TNFSF11: variants seen among roughly 807,000 people sequenced by gnomAD.
TNFSF11 encodes TNF superfamily member 11, also known as tumor necrosis factor ligand superfamily member 11.
Under a neutral mutation model 32.2 loss-of-function variants are expected in TNFSF11, and 12 were observed. The observed-to-expected ratio is 0.37, with a 90% CI of 0.24 to 0.60. The LOEUF (loss-of-function observed/expected upper bound fraction) is 0.60, where lower values mean the gene tolerates loss of function less well. TNFSF11 is among the 20% of genes least tolerant of loss of function. The probability of loss-of-function intolerance (pLI) is 0.66; values close to 1 mark genes in which losing one functional copy is unlikely to be tolerated. For synonymous variants in TNFSF11, 172 were observed against 152.1 expected (o/e 1.13, Z -0.96); for missense variants, 345 against 398.0 (o/e 0.87, Z 1.13).
chr13:42,604,614 C>T (rs923114836), intron 4 of TNFSF11, among the ~76,000 whole-genome samples: 2 of 152,142 alleles, frequency 1.3e-5, no homozygotes, highest in Non-Finnish European at 2.9e-5. Flanking sequence ...TTCCTACAGC[C>T]TAGTTTTGAG....
chr13:42,587,858 T>C (rs1873973144), intron 2 of TNFSF11, among the ~76,000 whole-genome samples: 1 of 152,218 alleles, frequency 6.6e-6, no homozygotes, highest in South Asian at 2.1e-4. Context: ...ATCAATGAAA[T>C]TTAAATAGAT....
chr13:42,581,198 G>C lies in TNFSF11; in HGVS notation c.292G>C (p.Asp98His), dbSNP rs761066893. The change falls in exon 2 of 5, where the codon GAT becomes CAT. Residue 98 changes from aspartate to histidine, a missense_variant. Around this residue, in one of 2 missense-constraint regions of TNFSF11, gnomAD observed 197 missense variants for 182.0 expected, o/e 1.08. Transcript: ENST00000398795. ...YRILRLHENA[D>H]FQDTTLESQD... The stretch of plus-strand genomic sequence containing the variant: ...AATTTTGAGACTCCATGAAAATGCA[G>C]ATTTTCAAGACACAACTCTGGAGAG... The C allele has an allele frequency of 3.0e-5, 49 of 1,613,902 alleles. No individual in the cohort carries two copies. The highest frequency in any genetic ancestry group is 6.7e-5 in the East Asian group (3 of 44,878).
At chr13:42,589,607 T>C (rs986910727) in intron 2 of TNFSF11, among the ~76,000 whole-genome samples, 1 of 152,192 alleles carries the variant, frequency 6.6e-6, no homozygotes, top group Non-Finnish European at 1.5e-5. Context: ...GCTTGTTACC[T>C]TGAATGCTCC....
intron 2 of TNFSF11, among the ~76,000 whole-genome samples, chr13:42,598,191 C>A (rs1868925821): frequency 6.6e-6 from 1 of 152,114 alleles, no homozygotes; most frequent in Non-Finnish European, 1.5e-5. Context: ...AATCACAAAA[C>A]AGGCATTTGT....
intron 4 of TNFSF11, among the ~76,000 whole-genome samples, chr13:42,603,226 G>A (rs1326451639): frequency 6.6e-6 from 1 of 152,172 alleles, no homozygotes; most frequent in African/African-American, 2.4e-5. Context: ...AAATATCTTA[G>A]ATGAAATGCG....
chr13:42,602,609 C>A (rs139849726), intron 4 of TNFSF11, among the ~76,000 whole-genome samples: 3 of 152,300 alleles, frequency 2.0e-5, no homozygotes, highest in Middle Eastern at 3.4e-3. Flanking sequence ...TGTGTCTATG[C>A]ATGTCTTGTG....
At chr13:42,581,425 C>A (rs1566377204) in intron 2 of TNFSF11, 132 bp downstream of exon 2, 8 of 1,014,472 alleles carry the variant, frequency 7.9e-6, no homozygotes, top group Non-Finnish European at 1.2e-5. Context: ...ACAGGGAATG[C>A]TTTAAAGAGA....
Position 42,574,180 on chromosome 13 carries a change from A to C in TNFSF11, c.-124A>C. ...CGCTCGCCCGCGCGCCCCAGGACCCAAAGCCGGGCTCCAAGTCGGCGCCCC... is the reference window on the plus strand; with the variant it reads ...CGCTCGCCCGCGCGCCCCAGGACCCCAAGCCGGGCTCCAAGTCGGCGCCCC... On this transcript the variant is annotated 5_prime_UTR_variant, in exon 1 of 5. Transcript: ENST00000398795. 1.5e-6 allele frequency: 2 copies of C among 1,370,464 alleles called. No homozygotes were observed. Among genetic ancestry groups the C allele is most frequent in the Non-Finnish European group, 2.0e-6 (2 of 994,042 alleles). 84.9% of individuals were successfully genotyped at this position (1,370,464 alleles called of 1,614,324 possible). A position where few individuals can be genotyped will look rare whatever the true frequency, so the allele number is the denominator to read the frequency against.
chr13:42,594,179 A>G (rs1255907787), intron 2 of TNFSF11, among the ~76,000 whole-genome samples: 2 of 152,076 alleles, frequency 1.3e-5, no homozygotes, highest in African/African-American at 4.8e-5. Context: ...TCCCGGGCTC[A>G]AGCGATCTCG....
intron 2 of TNFSF11, among the ~76,000 whole-genome samples, chr13:42,592,612 TA>T (rs1415305811): frequency 1.3e-5 from 2 of 152,218 alleles, no homozygotes; most frequent in Non-Finnish European, 2.9e-5. Flanking sequence ...CATAGTTTAT[TA>T]AATCATTGGC....
At chr13:42,564,516 G>A (rs558041697) in intron 1 of TNFSF11, among the ~76,000 whole-genome samples, 5 of 151,514 alleles carry the variant, frequency 3.3e-5, no homozygotes, top group East Asian at 3.9e-4. Flanking sequence ...GCGGTGAGCC[G>A]AGATCGCACC....
intron 2 of TNFSF11, among the ~76,000 whole-genome samples, chr13:42,583,699 T>A (rs949666390): frequency 1.3e-5 from 2 of 152,094 alleles, no homozygotes; most frequent in African/African-American, 4.8e-5. Flanking sequence ...ATTTTACATT[T>A]AGTTTTAACT....
chr13:42,595,058 T>C (rs931184516), intron 2 of TNFSF11, among the ~76,000 whole-genome samples: 10 of 152,192 alleles, frequency 6.6e-5, no homozygotes, highest in Non-Finnish European at 2.9e-5. Context: ...GAGAAGATTT[T>C]AAAAAAATAT....
Position 42,600,744 on chromosome 13 carries a change from T to A in TNFSF11, c.388-8T>A. The A allele has an allele frequency of 6.2e-7, 1 of 1,612,196 alleles. No individual in the cohort carries two copies. The highest frequency in any genetic ancestry group is 1.3e-5 in the African/African-American group (1 of 74,992). On this transcript the variant is annotated splice_region_variant and splice_polypyrimidine_tract_variant and intron_variant, in intron 2 of 4. Coordinates refer to ENST00000398795, the MANE Select transcript of TNFSF11 (RefSeq NM_003701.4). ...TATAAATAAAATTATTTTTCCTTTT[T>A]ATTTCAGGAATTACAACATATCGTT...
rs1594460551 is a variant in TNFSF11 at position 42,577,594 on chromosome 13, G to A, written c.219+3072G>A. 2.6e-5 allele frequency among the ~76,000 whole-genome samples: 4 copies of A among 152,228 alleles called. 1 individual carries two copies. The highest frequency in any genetic ancestry group is 4.2e-4 in the South Asian group (2 of 4,818). On this transcript the variant is annotated intron_variant, in intron 1 of 4. Coordinates refer to ENST00000398795, the MANE Select transcript of TNFSF11 (RefSeq NM_003701.4). Reference sequence around the variant, plus strand: ...TCCATATAACCATATTCAAAGCTTAGGGTTTAGCTATAAAGATAAACTTTT... The same window carrying A: ...TCCATATAACCATATTCAAAGCTTAAGGTTTAGCTATAAAGATAAACTTTT...
intron 2 of TNFSF11, among the ~76,000 whole-genome samples, chr13:42,584,488 C>T (rs891451983): frequency 2.0e-5 from 3 of 152,184 alleles, no homozygotes; most frequent in Admixed American, 2.0e-4. Context: ...CCTCCTGCCT[C>T]ATCAGAACAT....
chr13:42,596,516 G>T (rs1868816278), intron 2 of TNFSF11, among the ~76,000 whole-genome samples: 1 of 152,070 alleles, frequency 6.6e-6, no homozygotes, highest in South Asian at 2.1e-4. Flanking sequence ...AAGGATATGG[G>T]CATACAGATC....
At position 42,594,242 on chromosome 13, in the gene TNFSF11, A is replaced by G. The variant is rs1010288666; in HGVS notation, c.388-6510A>G. 4.0e-4 allele frequency among the ~76,000 whole-genome samples: 61 copies of G among 151,942 alleles called. 1 individual carries two copies. The highest frequency in any genetic ancestry group is 3.9e-4 in the Admixed American group (6 of 15,256). Reference sequence around the variant, plus strand: ...TACTGGCAACTGCCACCATGCCCAGATAATTTTGAAAATATTTTTAGTAGA... The same window carrying G: ...TACTGGCAACTGCCACCATGCCCAGGTAATTTTGAAAATATTTTTAGTAGA... On this transcript the variant is annotated intron_variant, in intron 2 of 4. Coordinates refer to ENST00000398795, the MANE Select transcript of TNFSF11 (RefSeq NM_003701.4).
At chr13:42,585,705 A>C (rs1378169044) in intron 2 of TNFSF11, among the ~76,000 whole-genome samples, 1 of 152,174 alleles carries the variant, frequency 6.6e-6, no homozygotes, top group Non-Finnish European at 1.5e-5. Flanking sequence ...GGACTCCCAA[A>C]ATGGCAGAGA....
Sources: allele counts gnomAD v4.1 joint callset (sites outside exome capture counted in the v4.1 genomes callset), GRCh38; gene constraint gnomAD v4.1.1; regional missense constraint gnomAD v4.1.1; transcripts MANE v1.5; gene names NCBI Gene and HGNC (gene_info 2026-07-23, HGNC 2026-07-21).